The following MUSK variants were observed in gnomAD, a reference collection of about 807,000 sequenced individuals.
MUSK encodes muscle associated receptor tyrosine kinase.
A neutral mutation model predicts 88.7 loss-of-function variants in MUSK; 55 were observed. The observed-to-expected ratio is 0.62, with a 90% CI of 0.50 to 0.78. The LOEUF is 0.78. Ranked by LOEUF, MUSK falls within the 30% of genes least tolerant of loss-of-function variation. The pLI, the probability that MUSK is intolerant of heterozygous loss-of-function variation, is 0.00. For missense variants in MUSK, 1,015 were observed against 1,074.3 expected (o/e 0.94, Z 0.77); for synonymous variants, 387 against 391.9 (o/e 0.99, Z 0.15).
chr9:110,720,331 C>T (rs894853150), intron 5 of MUSK, among the ~76,000 whole-genome samples: 10 of 151,504 alleles, frequency 6.6e-5, no homozygotes, highest in South Asian at 2.1e-4. Flanking sequence ...TAAATAAAAT[C>T]GATAGACCAT....
At chr9:110,715,253 G>C (rs2076729963) in intron 5 of MUSK, among the ~76,000 whole-genome samples, 1 of 149,782 alleles carries the variant, frequency 6.7e-6, no homozygotes, top group African/African-American at 2.5e-5. Flanking sequence ...TTATGAGTTA[G>C]CTGCTATATT....
chr9:110,684,739 G>A lies in MUSK; in HGVS notation c.206+1939G>A, dbSNP rs529305396. Among the ~76,000 whole-genome samples the A allele has an allele frequency of 1.3e-4, 20 of 151,950 alleles. No homozygotes were observed. In the South Asian group the frequency reaches 3.9e-3, roughly 30 times the overall value. ...CTATTTAATTTTATGTGTGGCTATTGTAAATAGGATTATTTTTAAATTTAT... is the reference window on the plus strand; with the variant it reads ...CTATTTAATTTTATGTGTGGCTATTATAAATAGGATTATTTTTAAATTTAT... On this transcript the variant is annotated intron_variant, in intron 2 of 14. Transcript: ENST00000374448.
intron 7 of MUSK, among the ~76,000 whole-genome samples, chr9:110,753,491 A>G (rs560070117): frequency 2.0e-5 from 3 of 151,950 alleles, no homozygotes; most frequent in Non-Finnish European, 4.4e-5. Flanking sequence ...AATAAAATAC[A>G]TATTTGTATT....
intron 6 of MUSK, among the ~76,000 whole-genome samples, chr9:110,746,616 G>A (rs1359147129): frequency 6.6e-6 from 1 of 152,186 alleles, no homozygotes; most frequent in Non-Finnish European, 1.5e-5. Context: ...TTAATTGTGT[G>A]TCAATATTGC....
chr9:110,773,107 A>C (rs2077606640), intron 9 of MUSK, among the ~76,000 whole-genome samples: 2 of 152,090 alleles, frequency 1.3e-5, no homozygotes, highest in African/African-American at 4.8e-5. Context: ...TTGTCTAACA[A>C]ATATTTATTG....
At chr9:110,753,899 T>C (rs7043625) in intron 7 of MUSK, among the ~76,000 whole-genome samples, 10,493 of 152,194 alleles carry the variant, frequency 0.069, 1,036 homozygotes, top group African/African-American at 0.21. Context: ...TCATAATCAG[T>C]ATAGCTGATT....
chr9:110,675,422 C>T (rs1307986435), intron 1 of MUSK, among the ~76,000 whole-genome samples: 79 of 142,958 alleles, frequency 5.5e-4, no homozygotes, highest in African/African-American at 2.0e-3. Flanking sequence ...GGGGTTTCAC[C>T]CTGTTAGCCA....
At chr9:110,720,445 T>G (rs2131801578) in intron 5 of MUSK, among the ~76,000 whole-genome samples, 1 of 152,138 alleles carries the variant, frequency 6.6e-6, no homozygotes, top group African/African-American at 2.4e-5. Flanking sequence ...GAAACATTAT[T>G]CAAGGCTAAT....
chr9:110,678,177 T>A (rs1475618005), intron 1 of MUSK, among the ~76,000 whole-genome samples: 1 of 152,134 alleles, frequency 6.6e-6, no homozygotes, highest in African/African-American at 2.4e-5. Flanking sequence ...AGTGGTGCAA[T>A]CACAGCTCAC....
chr9:110,767,868 G>A lies in MUSK; in HGVS notation c.969G>A (p.Glu323=), dbSNP rs772388991. 2.5e-6 allele frequency: 4 copies of A among 1,613,894 alleles called. No homozygotes were observed. The highest frequency in any genetic ancestry group is 2.7e-5 in the African/African-American group (2 of 74,926). The change falls in exon 9 of 15, where the codon GAG becomes GAA. Residue 323 remains glutamate (E), a synonymous_variant. Coordinates refer to ENST00000374448, the MANE Select transcript of MUSK (RefSeq NM_005592.4). ...GCTACTGCGCCCAGTACAGAGGGGAGGTGTGTAATGCAGTCCTGGCAAAAG... is the reference window on the plus strand; with the variant it reads ...GCTACTGCGCCCAGTACAGAGGGGAAGTGTGTAATGCAGTCCTGGCAAAAG... ...NKGYCAQYRG[E]VCNAVLAKDA...
chr9:110,678,148 G>C (rs576987992), intron 1 of MUSK, among the ~76,000 whole-genome samples: 5 of 152,190 alleles, frequency 3.3e-5, no homozygotes, highest in Admixed American at 1.3e-4. Context: ...GTCTTTCTCT[G>C]TCACCCAGGC....
chr9:110,762,432 TGAA>T (rs1381969113), intron 8 of MUSK, among the ~76,000 whole-genome samples: 1 of 152,192 alleles, frequency 6.6e-6, no homozygotes, highest in Non-Finnish European at 1.5e-5. Flanking sequence ...GTAAGTATGA[TGAA>T]GTGAAAGACA....
chr9:110,775,871 G>A lies in MUSK; in HGVS notation c.1268G>A (p.Arg423Lys). 3.7e-6 allele frequency: 6 copies of A among 1,613,944 alleles called. No homozygotes were observed. The highest frequency in any genetic ancestry group is 4.2e-6 in the Non-Finnish European group (5 of 1,179,840). Residue 423 changes from arginine to lysine, a missense_variant, in exon 10 of 15, where the codon AGA (arginine) becomes AAA (lysine). By Grantham distance (26) the Arg-to-Lys change is conservative (BLOSUM62 2). Coordinates refer to ENST00000374448, the MANE Select transcript of MUSK (RefSeq NM_005592.4). ...GAGAAGACCCACAGAGGACTCTACA[G>A]ATCCGAGATGCATTTGCTGTCCGTG... ...MEEKTHRGLY[R>K]SEMHLLSVPE...
intron 11 of MUSK, among the ~76,000 whole-genome samples, chr9:110,783,839 C>T (rs1161574266): frequency 6.6e-6 from 1 of 151,872 alleles, no homozygotes; most frequent in Non-Finnish European, 1.5e-5. Context: ...TCTTTGAGCA[C>T]AACTTTGGCT....
chr9:110,708,391 T>C (rs1026763609), intron 5 of MUSK, among the ~76,000 whole-genome samples: 3 of 152,198 alleles, frequency 2.0e-5, no homozygotes, highest in African/African-American at 4.8e-5. Flanking sequence ...CTCTCAGTGA[T>C]TGCAGTTTTA....
At chr9:110,675,016 C>T (rs1401265275) in intron 1 of MUSK, among the ~76,000 whole-genome samples, 1 of 152,072 alleles carries the variant, frequency 6.6e-6, no homozygotes, top group Non-Finnish European at 1.5e-5. Flanking sequence ...AATCAAGTAA[C>T]ATTTGCACAG....
rs771721478 is a variant in MUSK, at chr9:110,775,771, T to A, written c.1185-17T>A. 11 of 1,612,652 alleles carry A rather than the reference T, an allele frequency of 6.8e-6. No individual in the cohort carries two copies. In the African/African-American group the frequency reaches 1.5e-4, roughly 22 times the overall value. On this transcript the variant is annotated splice_polypyrimidine_tract_variant and intron_variant, in intron 9 of 14. Transcript: ENST00000374448. ...TGTAATGATTCATCAAGTTTTGTTCTCCATATACTATTTTAGAGAGTACTG... is the reference window on the plus strand; with the variant it reads ...TGTAATGATTCATCAAGTTTTGTTCACCATATACTATTTTAGAGAGTACTG...
chr9:110,669,227 G>T (rs957897885), intron 1 of MUSK, among the ~76,000 whole-genome samples: 2 of 152,126 alleles, frequency 1.3e-5, no homozygotes, highest in South Asian at 4.1e-4. Context: ...GCAGAGCTCT[G>T]ACTTCTAGGG....
At position 110,764,895 on chromosome 9, in the gene MUSK, T is replaced by C. The variant is rs527959329; in HGVS notation, c.920+2687T>C. Reference sequence around the variant, plus strand: ...GATCTTCTCATTTCTATTCAAAACCTATTGTCTTTTTTTCTTTTTCATTTT... The same window carrying C: ...GATCTTCTCATTTCTATTCAAAACCCATTGTCTTTTTTTCTTTTTCATTTT... On this transcript the variant is annotated intron_variant, in intron 8 of 14. Coordinates refer to ENST00000374448, the MANE Select transcript of MUSK (RefSeq NM_005592.4). Among the ~76,000 whole-genome samples, 41 of 152,294 alleles carry C rather than the reference T, an allele frequency of 2.7e-4. 1 individual carries two copies. Among genetic ancestry groups the C allele is most frequent in the Admixed American group, 1.4e-3 (22 of 15,300 alleles).
Sources: allele counts gnomAD v4.1 joint callset (sites outside exome capture counted in the v4.1 genomes callset), GRCh38; gene constraint gnomAD v4.1.1; transcripts MANE v1.5; gene names NCBI Gene and HGNC (gene_info 2026-07-23, HGNC 2026-07-21).